The following AGBL4 variants were observed in gnomAD, a reference collection of about 807,000 sequenced individuals.
AGBL4 encodes cytosolic carboxypeptidase 6.
In AGBL4, 58 loss-of-function variants were observed where a neutral mutation model predicts 66.4. The observed-to-expected ratio is 0.87, with a 90% CI of 0.71 to 1.09. AGBL4 has a LOEUF of 1.09. AGBL4 is among the 50% of genes least tolerant of loss of function. The pLI, the probability that AGBL4 is intolerant of heterozygous loss-of-function variation, is 0.00. For missense variants in AGBL4, 579 were observed against 631.0 expected (o/e 0.92, Z 0.88); for synonymous variants, 234 against 222.9 (o/e 1.05, Z -0.44).
chr1:48,573,599 G>A (rs1371406906), intron 11 of AGBL4, among the ~76,000 whole-genome samples: 1 of 152,142 alleles, frequency 6.6e-6, no homozygotes, highest in Non-Finnish European at 1.5e-5. Context: ...TGCACGTGAG[G>A]ACAGAGATTT....
At position 48,954,198 on chromosome 1, in the gene AGBL4, G is replaced by T. The variant is rs139758810; in HGVS notation, c.595-86968C>A. 4.6e-5 allele frequency among the ~76,000 whole-genome samples: 7 copies of T among 152,274 alleles called. No homozygotes were observed. The East Asian group carries it at 1.3e-3, about 29-fold the overall frequency. ...CAAAGACCAGCTCTGAATCCCGGAA[G>T]ACTTGAAAACCGGTCAAGAACTTAC... is the stretch of plus-strand genomic sequence containing the variant. On this transcript the variant is annotated intron_variant, in intron 5 of 13. Transcript: ENST00000371839.
At chr1:48,821,640 G>A (rs776308069) in intron 6 of AGBL4, among the ~76,000 whole-genome samples, 8 of 151,938 alleles carry the variant, frequency 5.3e-5, no homozygotes, top group Non-Finnish European at 1.2e-4. Flanking sequence ...GACCTGTTGG[G>A]GACAACATTA....
intron 4 of AGBL4, among the ~76,000 whole-genome samples, chr1:49,224,711 T>C (rs2148284502): frequency 6.6e-6 from 1 of 151,388 alleles, no homozygotes; most frequent in East Asian, 2.0e-4. Flanking sequence ...CAAAATAACA[T>C]GGGGCCAGCT....
At chr1:48,788,463 A>G (rs1263955854) in intron 6 of AGBL4, among the ~76,000 whole-genome samples, 1 of 152,206 alleles carries the variant, frequency 6.6e-6, no homozygotes, top group Non-Finnish European at 1.5e-5. Context: ...GAATCTTACT[A>G]AGGTCTGTAC....
intron 1 of AGBL4, among the ~76,000 whole-genome samples, chr1:49,886,619 G>C (rs6588366): frequency 0.47 from 71,595 of 151,918 alleles, 18,209 homozygotes; most frequent in Middle Eastern, 0.58. Context: ...GTGAAGTGTG[G>C]TAAATAAATA....
intron 4 of AGBL4, among the ~76,000 whole-genome samples, chr1:49,151,971 A>C (rs941029710): frequency 1.3e-5 from 2 of 152,120 alleles, no homozygotes; most frequent in Admixed American, 1.3e-4. Flanking sequence ...TAGGAAAAAT[A>C]CTGGAAAGAG....
chr1:49,420,366 CAA>C (rs1349478310), intron 3 of AGBL4, among the ~76,000 whole-genome samples: 4 of 152,212 alleles, frequency 2.6e-5, no homozygotes, highest in Admixed American at 1.3e-4. Context: ...GACAAATCTA[CAA>C]GAGTGGGATA....
chr1:49,999,116 C>A (rs1350947608), intron 1 of AGBL4, among the ~76,000 whole-genome samples: 2 of 151,792 alleles, frequency 1.3e-5, no homozygotes, highest in South Asian at 2.1e-4. Flanking sequence ...AAAGGACGTC[C>A]AAATCAGTAA....
At chr1:49,316,206 A>G (rs1212345442) in intron 3 of AGBL4, among the ~76,000 whole-genome samples, 1 of 152,020 alleles carries the variant, frequency 6.6e-6, no homozygotes, top group Non-Finnish European at 1.5e-5. Flanking sequence ...GTTATCATAC[A>G]TTTGTTAAAA....
rs1275511405 is a variant in AGBL4, at chr1:48,533,966, T to A, written c.*207A>T. ...TGGTTCCGATCTCCTATTTTGTTCC[T>A]GAGCTTTTTGAGCTGAAGGCTTACA... is the stretch of plus-strand genomic sequence containing the variant. On this transcript the variant is annotated 3_prime_UTR_variant, in exon 14 of 14. Coordinates refer to ENST00000371839, the MANE Select transcript of AGBL4 (RefSeq NM_032785.4). 4.0e-6 allele frequency: 3 copies of A among 753,836 alleles called. No homozygotes were observed. Among genetic ancestry groups the A allele is most frequent in the Admixed American group, 2.5e-5 (1 of 40,426 alleles). 46.7% of individuals were successfully genotyped at this position (753,836 alleles called of 1,614,324 possible).
rs1646866511 is a variant in AGBL4 at position 49,178,197 on chromosome 1, A to G, written c.377+67573T>C. ...TGAGCAAATGACTTCACACCCCTGA[A>G]CCTCAGGTTCCTCATCAATATAATG... is the stretch of plus-strand genomic sequence containing the variant. On this transcript the variant is annotated intron_variant, in intron 4 of 13. Transcript: ENST00000371839. Among the ~76,000 whole-genome samples the G allele has an allele frequency of 2.6e-5, 4 of 152,262 alleles. No individual in the cohort carries two copies. The South Asian group carries it at 8.3e-4, about 32-fold the overall frequency.
chr1:49,115,662 A>G (rs561506966), intron 4 of AGBL4, among the ~76,000 whole-genome samples: 3 of 152,262 alleles, frequency 2.0e-5, no homozygotes, highest in African/African-American at 7.2e-5. Flanking sequence ...GCTGGGATGA[A>G]TGAGACTTCC....
intron 3 of AGBL4, among the ~76,000 whole-genome samples, chr1:49,512,032 G>A (rs954845464): frequency 1.3e-5 from 2 of 151,954 alleles, no homozygotes; most frequent in Non-Finnish European, 2.9e-5. Context: ...ATCTTGGTTT[G>A]CAGGGTGCTA....
intron 1 of AGBL4, among the ~76,000 whole-genome samples, chr1:50,018,620 CCT>C (rs1353828118): frequency 1.3e-5 from 2 of 152,034 alleles, no homozygotes; most frequent in East Asian, 3.8e-4. Flanking sequence ...ATATTCACAT[CCT>C]CTGACTTTCT....
intron 4 of AGBL4, among the ~76,000 whole-genome samples, chr1:49,129,678 G>A (rs1645847060): frequency 1.3e-5 from 2 of 152,098 alleles, no homozygotes. Context: ...ATTCCATGGT[G>A]TATATGTGCC....
At chr1:49,050,728 C>T (rs1386833736) in intron 4 of AGBL4, among the ~76,000 whole-genome samples, 1 of 152,134 alleles carries the variant, frequency 6.6e-6, no homozygotes, top group African/African-American at 2.4e-5. Flanking sequence ...GATAGTTCCT[C>T]TTTGAAGTCT....
chr1:49,254,716 A>C (rs953676733), intron 3 of AGBL4, among the ~76,000 whole-genome samples: 4 of 152,156 alleles, frequency 2.6e-5, no homozygotes, highest in African/African-American at 9.7e-5. Flanking sequence ...AGATAATCCT[A>C]AGCAAAATGA....
At chr1:49,331,991 G>A (rs1645345020) in intron 3 of AGBL4, among the ~76,000 whole-genome samples, 1 of 152,200 alleles carries the variant, frequency 6.6e-6, no homozygotes, top group Non-Finnish European at 1.5e-5. Context: ...CCAGCCTGAG[G>A]GCTTTGGAGA....
intron 6 of AGBL4, among the ~76,000 whole-genome samples, chr1:48,802,421 GTCTGGACCCCCATCAGTCTGGGCT>G (rs1257950142): frequency 9.1e-5 from 1 of 10,988 alleles, no homozygotes; most frequent in African/African-American, 1.0e-4. Flanking sequence ...TTATTTATGT[GTCTGGACCCCCATCAGTCTGGGCT>G]TCTGGGGACA....
Sources: allele counts gnomAD v4.1 joint callset (sites outside exome capture counted in the v4.1 genomes callset), GRCh38; gene constraint gnomAD v4.1.1; transcripts MANE v1.5; gene names NCBI Gene and HGNC (gene_info 2026-07-23, HGNC 2026-07-21).